The following HOXC4 variants were observed in gnomAD, a reference collection of about 807,000 sequenced individuals.
HOXC4 encodes homeobox protein Hox-C4.
HOXC4 carries 15 observed loss-of-function variants against 25.5 expected under a neutral mutation model. The ratio of observed to expected loss-of-function variants is 0.59; its 90% CI spans 0.39 to 0.91. The LOEUF (loss-of-function observed/expected upper bound fraction) is 0.91, where lower values mean the gene tolerates loss of function less well. HOXC4 is among the 40% of genes least tolerant of loss of function. The pLI, the probability that HOXC4 is intolerant of heterozygous loss-of-function variation, is 0.00. For synonymous variants in HOXC4, 165 were observed against 148.0 expected, an observed-to-expected ratio of 1.11 and a Z score of -0.83; for missense variants, 342 against 352.4, an observed-to-expected ratio of 0.97 and a Z score of 0.24.
upstream of HOXC4, among the ~76,000 whole-genome samples, chr12:54,050,543 A>G (rs139821119): frequency 6.6e-6 from 1 of 152,220 alleles, no homozygotes; most frequent in East Asian, 1.9e-4. Context: ...GAGCTGCTTT[A>G]GTACCCCCAC....
intron 1 of HOXC4, chr12:54,034,334 G>T: frequency 6.2e-7 from 1 of 1,614,190 alleles, no homozygotes; most frequent in Admixed American, 1.7e-5. Flanking sequence ...TCTGGAACTC[G>T]AGAAAGAATT....
chr12:54,018,132 C>T (rs1391273960), intron 1 of HOXC4, among the ~76,000 whole-genome samples: 1 of 151,442 alleles, frequency 6.6e-6, no homozygotes, highest in African/African-American at 2.4e-5. Flanking sequence ...GGGAGGTGCC[C>T]TGCGTTGGGT....
At chr12:54,035,575 T>G (rs920906098) in intron 1 of HOXC4, among the ~76,000 whole-genome samples, 2 of 152,186 alleles carry the variant, frequency 1.3e-5, no homozygotes, top group Non-Finnish European at 2.9e-5. Flanking sequence ...CACCTAGGCC[T>G]CGAGTACTGG....
At position 54,055,083 on chromosome 12, in the gene HOXC4, G is replaced by T; in HGVS notation, c.673G>T (p.Ala225Ser). The T allele has an allele frequency of 1.2e-6, 2 of 1,613,464 alleles. No homozygotes were observed. The highest frequency in any genetic ancestry group is 1.7e-6 in the Non-Finnish European group (2 of 1,179,840). Residue 225 changes from alanine to serine, a missense_variant, in exon 2 of 2, where the codon GCA becomes TCA. Transcript: ENST00000430889. Reference sequence around the variant, plus strand: ...ACTCCCCAACACCAAAGTCAGGTCAGCACCCCCGGCCGGCGCTGCGCCCAG... The same window carrying T: ...ACTCCCCAACACCAAAGTCAGGTCATCACCCCCGGCCGGCGCTGCGCCCAG... ...HRLPNTKVRS[A>S]PPAGAAPSTL...
At chr12:54,040,611 C>T (rs778893695) in intron 1 of HOXC4, among the ~76,000 whole-genome samples, 1 of 152,198 alleles carries the variant, frequency 6.6e-6, no homozygotes, top group Non-Finnish European at 1.5e-5. Flanking sequence ...CCCACGTTCG[C>T]CAGCGTGATT....
intron 1 of HOXC4, chr12:54,037,802 C>A (rs1399969519): frequency 6.6e-6 from 1 of 152,118 alleles, no homozygotes; most frequent in Non-Finnish European, 1.5e-5. Flanking sequence ...TCTTGGGGGA[C>A]CACGTGATAT....
chr12:54,019,391 A>T (rs1177662812), intron 1 of HOXC4, among the ~76,000 whole-genome samples: 2 of 152,096 alleles, frequency 1.3e-5, no homozygotes, highest in African/African-American at 4.8e-5. Context: ...CGGAACCCGG[A>T]GTCTGTGGGA....
At chr12:54,033,495 AC>A (rs1468622293) in intron 1 of HOXC4, 2 of 1,592,304 alleles carry the variant, frequency 1.3e-6, no homozygotes, top group Non-Finnish European at 1.7e-6. Context: ...GCAGGCGCAG[AC>A]AGGGCAGCCC....
intron 1 of HOXC4, among the ~76,000 whole-genome samples, chr12:54,018,004 G>A (rs1360909332): frequency 6.6e-6 from 1 of 152,240 alleles, no homozygotes; most frequent in Non-Finnish European, 1.5e-5. Flanking sequence ...CAGCTAGGCG[G>A]CCGGCGGGGC....
chr12:54,054,825 C>T (rs776314000), intron 1 of HOXC4, 25 bp from the exon 2 acceptor site: 5 of 1,533,072 alleles, frequency 3.3e-6, no homozygotes, highest in Middle Eastern at 1.7e-4. Context: ...CTGAACCCCA[C>T]TATTTGCTTT....
chr12:54,032,085 A>G (rs1239424560), intron 1 of HOXC4, among the ~76,000 whole-genome samples: 1 of 152,206 alleles, frequency 6.6e-6, no homozygotes, highest in Non-Finnish European at 1.5e-5. Flanking sequence ...CCTCTGGCAT[A>G]GGTACCACAT....
chr12:54,017,499 A>G (rs1260341747), intron 1 of HOXC4: 1 of 151,530 alleles, frequency 6.6e-6, no homozygotes, highest in African/African-American at 2.4e-5. Context: ...TCTCTTGGTT[A>G]GGGAGAAGAG....
intron 1 of HOXC4, among the ~76,000 whole-genome samples, chr12:54,026,903 C>CG (rs1940728566): frequency 1.3e-5 from 2 of 151,950 alleles, no homozygotes; most frequent in Admixed American, 1.3e-4. Context: ...TCATAAAATC[C>CG]GGCGACATCC....
intron 1 of HOXC4, among the ~76,000 whole-genome samples, chr12:54,017,876 A>G (rs888534389): frequency 9.2e-5 from 14 of 151,980 alleles, no homozygotes; most frequent in African/African-American, 3.1e-4. Flanking sequence ...CCCCCAAACA[A>G]ACTTTCCAGC....
upstream of HOXC4, among the ~76,000 whole-genome samples, chr12:54,052,185 G>A (rs916924619): frequency 6.6e-6 from 1 of 152,124 alleles, no homozygotes; most frequent in African/African-American, 2.4e-5. Context: ...ACGACTTTTC[G>A]TGGAAAGGAG....
At chr12:54,032,293 A>C (rs1238507042) in intron 1 of HOXC4, among the ~76,000 whole-genome samples, 1 of 151,976 alleles carries the variant, frequency 6.6e-6, no homozygotes, top group Non-Finnish European at 1.5e-5. Context: ...TGACCCCCCT[A>C]TCTTGTTCTG....
intron 1 of HOXC4, among the ~76,000 whole-genome samples, chr12:54,041,308 C>A (rs914260307): frequency 6.6e-6 from 1 of 152,150 alleles, no homozygotes; most frequent in Non-Finnish European, 1.5e-5. Flanking sequence ...GGGTCCAGAC[C>A]CAGGTATTCT....
At chr12:54,022,584 T>A (rs1171642279) in intron 1 of HOXC4, 1 of 152,130 alleles carries the variant, frequency 6.6e-6, no homozygotes, top group Non-Finnish European at 1.5e-5. Context: ...AGGATAAAAT[T>A]ATTTATAGGG....
intron 1 of HOXC4, among the ~76,000 whole-genome samples, chr12:54,043,433 A>G (rs960224693): frequency 2.0e-5 from 3 of 152,124 alleles, no homozygotes; most frequent in East Asian, 3.9e-4. Context: ...GAATACCTGA[A>G]CACACAGAAA....
Sources: gnomAD v4.1 joint callset for allele counts (sites outside exome capture counted in the v4.1 genomes callset) on GRCh38, gnomAD v4.1.1 for gene constraint, MANE v1.5 for transcripts, NCBI Gene and HGNC (gene_info 2026-07-23, HGNC 2026-07-21) for gene names.